SEMA6D: variants seen among roughly 807,000 people sequenced by gnomAD.
SEMA6D encodes semaphorin-6D.
Under a neutral mutation model 106.6 loss-of-function variants are expected in SEMA6D, and 35 were observed. That is an observed-to-expected ratio of 0.33 (90% CI 0.25 to 0.44). The LOEUF (loss-of-function observed/expected upper bound fraction) is 0.44. Ranked by LOEUF, SEMA6D falls within the 20% of genes least tolerant of loss-of-function variation. The pLI is 1.00. For missense variants in SEMA6D, 1,185 were observed against 1,345.9 expected, an observed-to-expected ratio of 0.88 and a Z score of 1.87; for synonymous variants, 499 against 487.7, an observed-to-expected ratio of 1.02 and a Z score of -0.31.
chr15:47,285,893 T>A (rs1181678668), intron 1 of SEMA6D, among the ~76,000 whole-genome samples: 1 of 152,240 alleles, frequency 6.6e-6, no homozygotes, highest in East Asian at 1.9e-4. Context: ...TTACTTTTAC[T>A]AACTTACTAA....
At chr15:47,482,129 G>A (rs2043170331) in intron 3 of SEMA6D, among the ~76,000 whole-genome samples, 1 of 152,136 alleles carries the variant, frequency 6.6e-6, no homozygotes. Flanking sequence ...AGGAAGGTCA[G>A]TAATTGATCT....
intron 4 of SEMA6D, among the ~76,000 whole-genome samples, chr15:47,625,164 T>A (rs1401826269): frequency 2.0e-5 from 3 of 152,100 alleles, no homozygotes; most frequent in Non-Finnish European, 2.9e-5. Flanking sequence ...CTCCCAAAGA[T>A]TTTTTGGGGG....
chr15:47,258,616 C>T (rs755447547), intron 1 of SEMA6D, among the ~76,000 whole-genome samples: 63 of 152,050 alleles, frequency 4.1e-4, no homozygotes, highest in Non-Finnish European at 7.6e-4. Flanking sequence ...AGTATTATCA[C>T]GTGCCCTACC....
intron 5 of SEMA6D, 45 bp from the exon 6 acceptor site, chr15:47,761,285 G>A (rs977335758): frequency 6.2e-7 from 1 of 1,609,116 alleles, no homozygotes. Flanking sequence ...CACAGTGCCA[G>A]CATGTTCAAA....
At chr15:47,430,713 C>A (rs1407163260) in intron 2 of SEMA6D, among the ~76,000 whole-genome samples, 1 of 152,020 alleles carries the variant, frequency 6.6e-6, no homozygotes, top group Non-Finnish European at 1.5e-5. Flanking sequence ...TCCATTCCCC[C>A]ACAGGCCCAA....
intron 3 of SEMA6D, among the ~76,000 whole-genome samples, chr15:47,524,791 A>G (rs1379595214): frequency 1.3e-5 from 2 of 152,216 alleles, no homozygotes; most frequent in African/African-American, 4.8e-5. Flanking sequence ...ACATTGCTTA[A>G]TAATTGCTTT....
At chr15:47,234,949 A>G (rs906735015) in intron 1 of SEMA6D, among the ~76,000 whole-genome samples, 2 of 152,038 alleles carry the variant, frequency 1.3e-5, no homozygotes, top group Non-Finnish European at 2.9e-5. Flanking sequence ...GATCAGATTA[A>G]TTTACATTCC....
chr15:47,285,364 G>A (rs150350189), intron 1 of SEMA6D, among the ~76,000 whole-genome samples: 64 of 151,882 alleles, frequency 4.2e-4, no homozygotes, highest in African/African-American at 1.5e-3. Context: ...GTCTTTGGTT[G>A]AAAAGAAAAA....
chr15:47,301,558 C>T (rs2036019281), intron 1 of SEMA6D, among the ~76,000 whole-genome samples: 1 of 152,188 alleles, frequency 6.6e-6, no homozygotes, highest in Non-Finnish European at 1.5e-5. Flanking sequence ...GTCCAGCTGC[C>T]CTGGGGGAAG....
chr15:47,462,830 G>A (rs2042554640), intron 2 of SEMA6D, among the ~76,000 whole-genome samples: 1 of 152,100 alleles, frequency 6.6e-6, no homozygotes, highest in African/African-American at 2.4e-5. Context: ...TGGGTGAGGG[G>A]AGAAGGGCTG....
intron 3 of SEMA6D, among the ~76,000 whole-genome samples, chr15:47,486,347 T>C (rs2141363250): frequency 6.6e-6 from 1 of 152,310 alleles, no homozygotes; most frequent in African/African-American, 2.4e-5. Context: ...TTTATTAAGA[T>C]TGAACTTTTG....
intron 1 of SEMA6D, among the ~76,000 whole-genome samples, chr15:47,333,112 G>A (rs536185997): frequency 6.6e-6 from 1 of 152,290 alleles, no homozygotes; most frequent in African/African-American, 2.4e-5. Context: ...GAATTTGTGA[G>A]CGAGGTGAAA....
chr15:47,295,534 T>C (rs1182713065), intron 1 of SEMA6D, among the ~76,000 whole-genome samples: 5 of 152,108 alleles, frequency 3.3e-5, no homozygotes, highest in African/African-American at 4.8e-5. Context: ...CCTAAAGAGA[T>C]AGCAAGACCT....
intron 3 of SEMA6D, among the ~76,000 whole-genome samples, chr15:47,470,773 T>C (rs1445131883): frequency 3.3e-5 from 5 of 152,142 alleles, no homozygotes; most frequent in South Asian, 2.1e-4. Context: ...ATTATTATTA[T>C]TATCTAAACC....
intron 2 of SEMA6D, among the ~76,000 whole-genome samples, chr15:47,439,988 A>G (rs1220258254): frequency 6.6e-6 from 1 of 152,162 alleles, no homozygotes; most frequent in African/African-American, 2.4e-5. Flanking sequence ...TCCAACATTT[A>G]TGGAGCACAT....
Position 47,729,754 on chromosome 15 carries a change from G to A in SEMA6D, c.-55+12062G>A, listed in dbSNP as rs562260629. The stretch of plus-strand genomic sequence containing the variant: ...CCTCACTCTCTTACCCATCTCTCCC[G>A]CTCTTCTCTTCACTACACACTTAGC... On this transcript the variant is annotated intron_variant, in intron 1 of 18. Coordinates refer to ENST00000536845, the MANE Select transcript of SEMA6D (RefSeq NM_001358351.3). Among the ~76,000 whole-genome samples, 205 of 152,282 alleles carry A rather than the reference G, an allele frequency of 1.3e-3. 1 individual carries two copies. The highest frequency in any genetic ancestry group is 4.7e-3 in the African/African-American group (196 of 41,552).
At position 47,493,287 on chromosome 15, in the gene SEMA6D, C is replaced by T. The variant is rs2043530079; in HGVS notation, c.-87+22742C>T. On this transcript the variant is annotated intron_variant, in intron 3 of 19. Coordinates refer to the SEMA6D transcript ENST00000558014. ...AAAACTGTGGCCCTTGGAAACACAC[C>T]TCTGTGGAGAAACACACTATGTGAA... Among the ~76,000 whole-genome samples, 3 of 152,172 alleles carry T rather than the reference C, an allele frequency of 2.0e-5. No homozygotes were observed. The South Asian group carries it at 6.2e-4, about 32-fold the overall frequency.
rs369250742 is a variant in SEMA6D, at chr15:47,760,431, T to C, written c.221+16T>C. 46 of 1,585,914 alleles carry C rather than the reference T, an allele frequency of 2.9e-5. No homozygotes were observed. The highest frequency in any genetic ancestry group is 1.2e-4 in the Admixed American group (7 of 59,786). On this transcript the variant is annotated intron_variant, in intron 3 of 18. Transcript: ENST00000536845. ...TTGCTGGCAGGTAATTTTCCTCTCA[T>C]TGGTTTATTAGATTAAAATTCTTTT...
intron 3 of SEMA6D, among the ~76,000 whole-genome samples, chr15:47,568,466 T>A (rs2046292714): frequency 6.6e-6 from 1 of 152,188 alleles, no homozygotes; most frequent in Non-Finnish European, 1.5e-5. Context: ...TATATCATTT[T>A]TAAATAAAAC....
Sources: allele counts gnomAD v4.1 joint callset (sites outside exome capture counted in the v4.1 genomes callset), GRCh38; gene constraint gnomAD v4.1.1; transcripts MANE v1.5; gene names NCBI Gene and HGNC (gene_info 2026-07-23, HGNC 2026-07-21).